Variants in ACVR1B observed in about 807,000 individuals in gnomAD.
ACVR1B encodes activin receptor type-1B.
In ACVR1B, 15 loss-of-function variants were observed where a neutral mutation model predicts 55.6. The observed-to-expected ratio is 0.27, with a 90% CI of 0.18 to 0.42. The LOEUF (loss-of-function observed/expected upper bound fraction) is 0.42. Ranked by LOEUF, ACVR1B falls within the 10% of genes least tolerant of loss-of-function variation. The pLI, the probability that ACVR1B is intolerant of heterozygous loss-of-function variation, is 1.00. For missense variants in ACVR1B, 359 were observed against 670.1 expected (o/e 0.54, Z 5.13); for synonymous variants, 247 against 254.6 (o/e 0.97, Z 0.28).
At chr12:51,991,805 T>C (rs1312142265) in intron 7 of ACVR1B, 58 bp from the exon 8 acceptor site, 18 of 1,578,888 alleles carry the variant, frequency 1.1e-5, no homozygotes, top group Non-Finnish European at 1.4e-5. Flanking sequence ...TGTCACCGGC[T>C]TCTGAGTAAT....
intron 1 of ACVR1B, among the ~76,000 whole-genome samples, chr12:51,969,745 G>A (rs1039139492): frequency 6.6e-6 from 1 of 152,150 alleles, no homozygotes; most frequent in Non-Finnish European, 1.5e-5. Context: ...CTTAGCCAGC[G>A]TGGTGGGGTA....
intron 1 of ACVR1B, among the ~76,000 whole-genome samples, chr12:51,952,945 G>A (rs1565607092): frequency 6.6e-6 from 1 of 151,916 alleles, no homozygotes; most frequent in Non-Finnish European, 1.5e-5. Context: ...TGTTGTTTTT[G>A]AGGCTTTGGG....
At chr12:51,985,473 A>C in intron 6 of ACVR1B, 125 bp downstream of exon 6, 1 of 1,153,384 alleles carries the variant, frequency 8.7e-7, no homozygotes, top group Non-Finnish European at 1.2e-6. Flanking sequence ...CTCTCAGCCC[A>C]CTGAAAGTTG....
chr12:51,979,459 A>C (rs1344520726), intron 3 of ACVR1B, among the ~76,000 whole-genome samples: 1 of 86,556 alleles, frequency 1.2e-5, no homozygotes, highest in Non-Finnish European at 2.4e-5. Flanking sequence ...AGAGCGAGAC[A>C]CCATCTCAAA....
chr12:51,979,035 C>T (rs1247315242), intron 3 of ACVR1B, among the ~76,000 whole-genome samples: 1 of 151,160 alleles, frequency 6.6e-6, no homozygotes, highest in Non-Finnish European at 1.5e-5. Context: ...TAGTGGCACA[C>T]GCCTATAATT....
Position 51,984,008 on chromosome 12 carries a change from C to T in ACVR1B, c.821C>T (p.Thr274Ile), listed in dbSNP as rs1164644353. ...FIAADNKDNG[T>I]WTQLWLVSDY... is the part of the protein sequence containing the mutation. The stretch of plus-strand genomic sequence containing the variant: ...CTGTGGTTCTCTGCAGATAATGGCA[C>T]CTGGACACAGCTGTGGCTTGTTTCT... The change falls in exon 5 of 9, where the codon ACC becomes ATC. Residue 274 changes from threonine to isoleucine, a missense_variant. By Grantham distance (89) the Thr-to-Ile change is moderately conservative. Coordinates refer to ENST00000257963, the MANE Select transcript of ACVR1B (RefSeq NM_004302.5). The T allele has an allele frequency of 6.2e-7, 1 of 1,614,188 alleles. No homozygotes were observed. The highest frequency in any genetic ancestry group is 8.5e-7 in the Non-Finnish European group (1 of 1,180,032).
intron 4 of ACVR1B, among the ~76,000 whole-genome samples, chr12:51,983,319 T>TC (rs1190625221): frequency 1.3e-5 from 2 of 152,230 alleles, no homozygotes; most frequent in African/African-American, 2.4e-5. Flanking sequence ...GTGTATGCAC[T>TC]CTACCTTCCA....
chr12:51,981,677 C>G (rs1365503762), intron 4 of ACVR1B, among the ~76,000 whole-genome samples: 1 of 152,060 alleles, frequency 6.6e-6, no homozygotes, highest in Admixed American at 6.5e-5. Flanking sequence ...ACTAAAAATA[C>G]AAAAATGAGC....
At chr12:51,986,266 T>C (rs1280555100) in intron 6 of ACVR1B, among the ~76,000 whole-genome samples, 2 of 152,186 alleles carry the variant, frequency 1.3e-5, no homozygotes, top group Non-Finnish European at 2.9e-5. Context: ...TACTCTCTCT[T>C]TGTTTTTTTG....
At position 51,957,635 on chromosome 12, in the gene ACVR1B, G is replaced by T. The variant is rs376930756; in HGVS notation, c.91+5801G>T. On this transcript the variant is annotated intron_variant, in intron 1 of 8. Coordinates refer to ENST00000257963, the MANE Select transcript of ACVR1B (RefSeq NM_004302.5). ...GCCCAGGCTGGTCTCAAATTCCTGG[G>T]CTCAAATTATCCTCCTGCCTTGGCC... 5.9e-5 allele frequency among the ~76,000 whole-genome samples: 9 copies of T among 152,118 alleles called. 2 individuals carry two copies. The South Asian group carries it at 1.9e-3, about 32-fold the overall frequency.
At position 51,954,604 on chromosome 12, in the gene ACVR1B, T is replaced by G. The variant is rs1363432121; in HGVS notation, c.91+2770T>G. ...CTGGAACAGATGTGATAAAACATAT[T>G]AAAATGGCTACTCTGGTTAAAGGTT... On this transcript the variant is annotated intron_variant, in intron 1 of 8. Coordinates refer to ENST00000257963, the MANE Select transcript of ACVR1B (RefSeq NM_004302.5). Among the ~76,000 whole-genome samples, 7 of 152,330 alleles carry G rather than the reference T, an allele frequency of 4.6e-5. No individual in the cohort carries two copies. In the East Asian group the frequency reaches 1.2e-3, roughly 25 times the overall value.
intron 7 of ACVR1B, chr12:51,987,439 TGCA>T: frequency 2.7e-6 from 1 of 376,700 alleles, no homozygotes; most frequent in Non-Finnish European, 4.8e-6. Flanking sequence ...CGTTGGCATT[TGCA>T]GCTGCTTATT....
intron 6 of ACVR1B, among the ~76,000 whole-genome samples, chr12:51,986,459 G>T (rs1466896151): frequency 6.6e-6 from 1 of 152,084 alleles, no homozygotes; most frequent in Non-Finnish European, 1.5e-5. Context: ...GGGGTTTCGC[G>T]ATGTTGGCCA....
rs1942255995 is a variant in ACVR1B, at chr12:51,994,247, A to G, written c.*137A>G. 7.9e-7 allele frequency: 1 copy of G among 1,258,950 alleles called. No homozygotes were observed. The highest frequency in any genetic ancestry group is 2.3e-5 in the Admixed American group (1 of 43,108). The allele number at this position is 1,258,950 out of a possible 1,614,324, so 78.0% of individuals were successfully genotyped here. ...GAGCCCTGGCCCGCAAGAGGGACAGAGCCCGGGAGAGACTCGCTCACTCCC... is the reference window on the plus strand; with the variant it reads ...GAGCCCTGGCCCGCAAGAGGGACAGGGCCCGGGAGAGACTCGCTCACTCCC... On this transcript the variant is annotated 3_prime_UTR_variant, in exon 9 of 9. Coordinates refer to ENST00000257963, the MANE Select transcript of ACVR1B (RefSeq NM_004302.5). The surrounding 1 kb of genome is among the most constrained non-coding windows in gnomAD (Gnocchi z 4.2).
At chr12:51,972,281 G>A (rs1315763416) in intron 1 of ACVR1B, among the ~76,000 whole-genome samples, 1 of 152,122 alleles carries the variant, frequency 6.6e-6, no homozygotes, top group Admixed American at 6.5e-5. Context: ...TTCTTACATA[G>A]CCCTGTGAAA....
chr12:51,962,312 A>G (rs971097339), intron 1 of ACVR1B, among the ~76,000 whole-genome samples: 3 of 151,726 alleles, frequency 2.0e-5, no homozygotes, highest in African/African-American at 7.3e-5. Context: ...AGCTTCCTTT[A>G]TTAAGTCAGT....
intron 1 of ACVR1B, among the ~76,000 whole-genome samples, chr12:51,974,283 T>A (rs1941802140): frequency 6.6e-6 from 1 of 152,202 alleles, no homozygotes; most frequent in Non-Finnish European, 1.5e-5. Context: ...GTTAGTCTCA[T>A]GGGAGACAGT....
intron 1 of ACVR1B, among the ~76,000 whole-genome samples, chr12:51,964,782 G>T (rs1223954877): frequency 1.3e-5 from 2 of 152,090 alleles, no homozygotes; most frequent in Non-Finnish European, 2.9e-5. Context: ...AGATGTATGG[G>T]TTTATTTCTG....
chr12:51,994,192 T>G lies in ACVR1B; in HGVS notation c.*82T>G. On this transcript the variant is annotated 3_prime_UTR_variant, in exon 9 of 9. Transcript: ENST00000257963. This position sits in a 1 kb window ranked among gnomAD's most constrained non-coding sequence, Gnocchi z 4.2. ...GTTGAGCGTACGATGGAGGCCTACC[T>G]CTCGTTTCTGCCCAGCCCTCTGTGG... is the stretch of plus-strand genomic sequence containing the variant. The G allele has an allele frequency of 6.4e-7, 1 of 1,558,912 alleles. No individual in the cohort carries two copies. Among genetic ancestry groups the G allele is most frequent in the Non-Finnish European group, 8.7e-7 (1 of 1,155,450 alleles).
Sources: allele counts gnomAD v4.1 joint callset (sites outside exome capture counted in the v4.1 genomes callset), GRCh38; gene constraint gnomAD v4.1.1; non-coding constraint Gnocchi (gnomAD v3.1); transcripts MANE v1.5; gene names NCBI Gene and HGNC (gene_info 2026-07-23, HGNC 2026-07-21).